The following NXPH2 variants were observed in gnomAD, a reference collection of about 807,000 sequenced individuals.
The protein encoded by NXPH2 is neurexophilin-2.
NXPH2 carries 5 observed loss-of-function variants against 19.8 expected under a neutral mutation model. That is an observed-to-expected ratio of 0.25 (90% CI 0.13 to 0.53). The LOEUF (loss-of-function observed/expected upper bound fraction) is 0.53. Ranked by LOEUF, NXPH2 falls within the 20% of genes least tolerant of loss-of-function variation. NXPH2 has a pLI of 0.96. For missense variants in NXPH2, 289 were observed against 322.8 expected (o/e 0.90, Z 0.80); for synonymous variants, 154 against 127.4 (o/e 1.21, Z -1.41).
intron 1 of NXPH2, among the ~76,000 whole-genome samples, chr2:138,759,508 G>A (rs1573980850): frequency 6.6e-6 from 1 of 152,132 alleles, no homozygotes; most frequent in East Asian, 1.9e-4. Context: ...TGGGAAGGTG[G>A]GAAATGGGCA....
chr2:138,671,645 T>G lies in NXPH2; in HGVS notation c.72A>C (p.Glu24Asp). ...LLQLLFCDSK[E>D]VVHATEGLDW... The stretch of plus-strand genomic sequence containing the variant: ...CCAGCCCCTCCGTGGCATGCACCAC[T>G]TCCTTACTGTCACAAAATAGCTGTT... Residue 24 changes from glutamate to aspartate, a missense_variant, in exon 2 of 2, where the codon GAA (glutamate) becomes GAC (aspartate). Transcript: ENST00000272641. The G allele has an allele frequency of 6.4e-7, 1 of 1,561,790 alleles. No individual in the cohort carries two copies. Among genetic ancestry groups the G allele is most frequent in the Non-Finnish European group, 8.6e-7 (1 of 1,156,738 alleles).
At chr2:138,731,488 A>G (rs568296326) in intron 1 of NXPH2, among the ~76,000 whole-genome samples, 2 of 152,264 alleles carry the variant, frequency 1.3e-5, no homozygotes, top group South Asian at 4.1e-4. Flanking sequence ...TCTGTTTGTC[A>G]TCATCTCTCT....
intron 1 of NXPH2, among the ~76,000 whole-genome samples, chr2:138,684,852 A>G (rs571272038): frequency 1.3e-5 from 2 of 152,228 alleles, no homozygotes; most frequent in East Asian, 1.9e-4. Flanking sequence ...CTCTGTCCCT[A>G]TCAGTCCAGG....
intron 1 of NXPH2, among the ~76,000 whole-genome samples, chr2:138,766,898 T>C (rs1459516400): frequency 6.6e-6 from 1 of 152,208 alleles, no homozygotes. Context: ...CAAAGATGCA[T>C]ACTGATTTTT....
intron 1 of NXPH2, among the ~76,000 whole-genome samples, chr2:138,743,788 A>G (rs1681681056): frequency 2.6e-5 from 4 of 152,068 alleles, no homozygotes; most frequent in Admixed American, 2.6e-4. Flanking sequence ...AGATCACCTG[A>G]GGTTAGGAGT....
chr2:138,771,723 T>C (rs377263826), intron 1 of NXPH2, among the ~76,000 whole-genome samples: 1 of 152,066 alleles, frequency 6.6e-6, no homozygotes, highest in East Asian at 1.9e-4. Flanking sequence ...TCACCTCAGT[T>C]ATATCTGGGA....
rs190671157 is a variant in NXPH2 at position 138,678,812 on chromosome 2, G to A, written c.52-7147C>T. 2.4e-3 allele frequency among the ~76,000 whole-genome samples: 360 copies of A among 152,216 alleles called. 11 individuals are homozygous for A. The South Asian group carries it at 0.054, about 23-fold the overall frequency. Reference sequence around the variant, plus strand: ...AATCAAATATCCCTTCTCAGTTTAGGAGCCTGCCCATTTTACTTTATTCTA... The same window carrying A: ...AATCAAATATCCCTTCTCAGTTTAGAAGCCTGCCCATTTTACTTTATTCTA... On this transcript the variant is annotated intron_variant, in intron 1 of 1. Coordinates refer to ENST00000272641, the MANE Select transcript of NXPH2 (RefSeq NM_007226.3).
chr2:138,705,856 C>G (rs1363698864), intron 1 of NXPH2, among the ~76,000 whole-genome samples: 2 of 152,200 alleles, frequency 1.3e-5, no homozygotes, highest in Non-Finnish European at 1.5e-5. Context: ...GTAAGCCCCT[C>G]TTCGGACCAA....
intron 1 of NXPH2, among the ~76,000 whole-genome samples, chr2:138,756,027 C>T (rs975451653): frequency 1.3e-5 from 2 of 151,878 alleles, no homozygotes; most frequent in African/African-American, 4.8e-5. Context: ...ATCCTGAGAC[C>T]TTGCCATACT....
At chr2:138,737,876 A>C (rs1308876887) in intron 1 of NXPH2, among the ~76,000 whole-genome samples, 3 of 151,976 alleles carry the variant, frequency 2.0e-5, no homozygotes, top group Non-Finnish European at 4.4e-5. Context: ...AACATGATGG[A>C]GTTGACTCAT....
intron 1 of NXPH2, among the ~76,000 whole-genome samples, chr2:138,674,152 T>TTTTTTC (rs1680452523): frequency 1.3e-5 from 2 of 151,552 alleles, no homozygotes; most frequent in Admixed American, 6.6e-5. Flanking sequence ...TAATTTTCTT[T>TTTTTTC]TTTTTCTTTT....
At chr2:138,715,625 C>A (rs1681185895) in intron 1 of NXPH2, among the ~76,000 whole-genome samples, 3 of 152,172 alleles carry the variant, frequency 2.0e-5, no homozygotes, top group African/African-American at 7.2e-5. Context: ...GGAGGGCACA[C>A]TGACTAGAAG....
intron 1 of NXPH2, among the ~76,000 whole-genome samples, chr2:138,675,805 A>G (rs1046801735): frequency 6.6e-6 from 1 of 152,194 alleles, no homozygotes; most frequent in African/African-American, 2.4e-5. Context: ...GTTGAGGTCC[A>G]AACCTGTTCA....
intron 1 of NXPH2, among the ~76,000 whole-genome samples, chr2:138,675,955 A>ATGTG (rs61124904): frequency 3.5e-4 from 52 of 150,322 alleles, no homozygotes; most frequent in African/African-American, 1.1e-3. Context: ...ATATATACAT[A>ATGTG]TGTGTGTGTG....
intron 1 of NXPH2, among the ~76,000 whole-genome samples, chr2:138,677,720 A>G (rs983426535): frequency 3.9e-5 from 6 of 152,234 alleles, no homozygotes; most frequent in East Asian, 1.9e-4. Flanking sequence ...GTCACAAATT[A>G]TGGAAATAAT....
chr2:138,702,488 T>C (rs1680940008), intron 1 of NXPH2, among the ~76,000 whole-genome samples: 1 of 152,112 alleles, frequency 6.6e-6, no homozygotes, highest in Non-Finnish European at 1.5e-5. Context: ...AATCGTCCAA[T>C]AGCCTCTTCT....
chr2:138,736,787 C>T (rs1681551431), intron 1 of NXPH2, among the ~76,000 whole-genome samples: 2 of 152,204 alleles, frequency 1.3e-5, no homozygotes, highest in African/African-American at 4.8e-5. Flanking sequence ...TTAACAGCAT[C>T]CGAGTCACAT....
chr2:138,671,458 T>C lies in NXPH2; in HGVS notation c.259A>G (p.Ile87Val), dbSNP rs753177616. The C allele has an allele frequency of 9.3e-6, 15 of 1,613,970 alleles. No homozygotes were observed. The highest frequency in any genetic ancestry group is 1.2e-5 in the Non-Finnish European group (14 of 1,179,810). ...GCCAATGGCTCCTGAATCTCCGTGA[T>C]GTTGGCCAGCCAATCCCAAAAGTTT... is the stretch of plus-strand genomic sequence containing the variant. ...MENFWDWLAN[I>V]TEIQEPLART... Residue 87 changes from isoleucine to valine, a missense_variant, in exon 2 of 2, where the codon ATC becomes GTC. Transcript: ENST00000272641.
chr2:138,673,585 C>T (rs944424843), intron 1 of NXPH2, among the ~76,000 whole-genome samples: 1 of 151,940 alleles, frequency 6.6e-6, no homozygotes. Flanking sequence ...AGTATAGTCA[C>T]CCTACAATGC....
Sources: allele counts gnomAD v4.1 joint callset (sites outside exome capture counted in the v4.1 genomes callset), GRCh38; gene constraint gnomAD v4.1.1; transcripts MANE v1.5; gene names NCBI Gene and HGNC (gene_info 2026-07-23, HGNC 2026-07-21).